The following GPATCH8 variants were observed in gnomAD, a reference collection of about 807,000 sequenced individuals.
GPATCH8 encodes the protein G-patch domain containing 8, also known as G patch domain-containing protein 8.
GPATCH8 carries 18 observed loss-of-function variants against 118.3 expected under a neutral mutation model. The ratio of observed to expected loss-of-function variants is 0.15; its 90% CI spans 0.11 to 0.23. The LOEUF is 0.23. Among genes scored for constraint, GPATCH8 ranks in the 10% least tolerant of loss-of-function variants. GPATCH8 has a pLI of 1.00. For missense variants in GPATCH8, 1,631 were observed against 1,873.8 expected, an observed-to-expected ratio of 0.87 and a Z score of 2.39; for synonymous variants, 659 against 684.7, an observed-to-expected ratio of 0.96 and a Z score of 0.59.
At chr17:44,436,945 T>TA (rs548866848) in intron 3 of GPATCH8, among the ~76,000 whole-genome samples, 284 of 148,694 alleles carry the variant, frequency 1.9e-3, no homozygotes, top group South Asian at 8.7e-3. Flanking sequence ...TAACCTAGTT[T>TA]AAAAAAAAAA....
intron 1 of GPATCH8, among the ~76,000 whole-genome samples, chr17:44,475,421 G>A (rs1207121109): frequency 7.6e-5 from 11 of 145,482 alleles, no homozygotes; most frequent in Admixed American, 3.4e-4. Flanking sequence ...ATAAAAGGCC[G>A]GGCGCGGTGG....
In GPATCH8 at chr17:44,401,065, T is replaced by C. The variant is rs924923926; in HGVS notation, c.1012A>G (p.Ser338Gly). ...ACCTTCTGCAGTCCTTGGTCAGAAC[T>C]CTTCTCATCGGGTTTTGTTCCATCT... is the stretch of plus-strand genomic sequence containing the variant. Reference protein sequence around the residue: ...SEDGTKPDEKSSDQGLQKVGD... With the variant: ...SEDGTKPDEKGSDQGLQKVGD... The change falls in exon 8 of 8, where the codon AGT (serine) becomes GGT (glycine). Residue 338 changes from serine (S) to glycine (G), a missense_variant. Physicochemically the swap from Ser to Gly is moderately conservative, Grantham distance 56. This residue lies in a region of GPATCH8 where 405 missense variants were observed against 462.7 expected (regional missense o/e 0.88). Coordinates refer to ENST00000591680, the MANE Select transcript of GPATCH8 (RefSeq NM_001002909.4). 14 of 1,614,072 alleles carry C rather than the reference T, an allele frequency of 8.7e-6. No individual in the cohort carries two copies. The highest frequency in any genetic ancestry group is 1.2e-5 in the Non-Finnish European group (14 of 1,180,020).
intron 6 of GPATCH8, among the ~76,000 whole-genome samples, chr17:44,413,238 A>G (rs1362933374): frequency 6.6e-6 from 1 of 152,210 alleles, no homozygotes; most frequent in African/African-American, 2.4e-5. Flanking sequence ...ACAGATAGTG[A>G]AAAACTGAGA....
At chr17:44,442,118 T>TAGAGAG (rs1163331851) in intron 3 of GPATCH8, among the ~76,000 whole-genome samples, 1 of 140,912 alleles carries the variant, frequency 7.1e-6, no homozygotes, top group Non-Finnish European at 1.5e-5. Context: ...CATATATATA[T>TAGAGAG]ATATAGAGAG....
At chr17:44,404,114 A>G (rs2049129718) in intron 7 of GPATCH8, among the ~76,000 whole-genome samples, 1 of 152,186 alleles carries the variant, frequency 6.6e-6, no homozygotes, top group Non-Finnish European at 1.5e-5. Context: ...CAAATAAAAA[A>G]CAACGCCCCG....
rs1298562128 is a variant in GPATCH8, at chr17:44,453,498, G to GTGCGTGT, written c.193+10973_193+10974insACACGCA. Among the ~76,000 whole-genome samples, 378 of 130,160 alleles carry GTGCGTGT rather than the reference G, an allele frequency of 2.9e-3. 3 individuals carry two copies. Among genetic ancestry groups the GTGCGTGT allele is most frequent in the Non-Finnish European group, 4.3e-3 (268 of 62,538 alleles). 85.4% of individuals were successfully genotyped at this position (130,160 alleles called of 152,430 possible). On this transcript the variant is annotated intron_variant, in intron 3 of 7. Transcript: ENST00000591680. ...CTAGTTGTAGGTAGGTAGGTAGGTA[G>GTGCGTGT]GGGTGTGTGTGTGTGTGTGTGTGTG...
chr17:44,491,684 C>CA (rs889731545), intron 1 of GPATCH8, among the ~76,000 whole-genome samples: 6 of 151,930 alleles, frequency 3.9e-5, no homozygotes, highest in East Asian at 3.9e-4. Context: ...TCCATCCCTA[C>CA]AAAAAATACA....
Position 44,417,310 on chromosome 17 carries a change from T to G in GPATCH8, c.492+7039A>C, listed in dbSNP as rs563979145. Among the ~76,000 whole-genome samples the G allele has an allele frequency of 4.6e-5, 7 of 152,306 alleles. No homozygotes were observed. The South Asian group carries it at 1.2e-3, about 27-fold the overall frequency. On this transcript the variant is annotated intron_variant, in intron 6 of 7. Transcript: ENST00000591680. ...TGCAAACAGTTTAGACAAAGTTAAC[T>G]AAATCATGTATTAATAGACTCAGCC...
chr17:44,499,132 T>C (rs539574271), intron 1 of GPATCH8, among the ~76,000 whole-genome samples: 131 of 152,338 alleles, frequency 8.6e-4, no homozygotes, highest in Non-Finnish European at 1.6e-3. Flanking sequence ...TATCAACTTA[T>C]CACTCACTGA....
intron 7 of GPATCH8, 22 bp downstream of exon 7, chr17:44,405,899 C>T: frequency 2.6e-6 from 4 of 1,534,114 alleles, no homozygotes; most frequent in Non-Finnish European, 3.6e-6. Context: ...CTGTACAACC[C>T]TCTGATAAAA....
At chr17:44,425,086 A>C (rs1006222510) in intron 5 of GPATCH8, among the ~76,000 whole-genome samples, 1 of 152,198 alleles carries the variant, frequency 6.6e-6, no homozygotes, top group Non-Finnish European at 1.5e-5. Flanking sequence ...CAGCAGTTTC[A>C]CTTAAAAACT....
intron 1 of GPATCH8, among the ~76,000 whole-genome samples, chr17:44,475,104 C>A (rs886457480): frequency 1.2e-4 from 19 of 152,044 alleles, no homozygotes; most frequent in African/African-American, 4.6e-4. Flanking sequence ...ATGGGTCAGG[C>A]GTGGTGGCTC....
At chr17:44,425,758 G>A (rs1362606312) in intron 5 of GPATCH8, among the ~76,000 whole-genome samples, 2 of 152,090 alleles carry the variant, frequency 1.3e-5, no homozygotes, top group East Asian at 1.9e-4. Context: ...TGAACTCCTG[G>A]GCTCAAGTGA....
At chr17:44,492,260 C>A (rs192686882) in intron 1 of GPATCH8, among the ~76,000 whole-genome samples, 3 of 130,646 alleles carry the variant, frequency 2.3e-5, no homozygotes, top group African/African-American at 8.4e-5. Flanking sequence ...GAGATGGCTC[C>A]ACTGCACTCC....
At chr17:44,428,648 T>G (rs1299033736) in intron 5 of GPATCH8, among the ~76,000 whole-genome samples, 5 of 149,406 alleles carry the variant, frequency 3.3e-5, no homozygotes, top group Admixed American at 3.3e-4. Context: ...ACAAAAAATA[T>G]AAAAATTAGC....
intron 3 of GPATCH8, among the ~76,000 whole-genome samples, chr17:44,439,494 G>A (rs935136059): frequency 2.0e-5 from 3 of 152,132 alleles, no homozygotes; most frequent in African/African-American, 2.4e-5. Context: ...CAATCTTGAA[G>A]GTGACATTAT....
rs71136011 is a variant in GPATCH8 at position 44,406,503 on chromosome 17, G to GC, written c.493-453_493-452insG. ...AGCAATGTACAGCTTACATGGGGGGGGGGGGTTATTTAAATTAGAACAAAT... is the reference window on the plus strand; with the variant it reads ...AGCAATGTACAGCTTACATGGGGGGGCGGGGGTTATTTAAATTAGAACAAAT... On this transcript the variant is annotated intron_variant, in intron 6 of 7. Transcript: ENST00000591680. Among the ~76,000 whole-genome samples the GC allele has an allele frequency of 1.1e-4, 13 of 116,538 alleles. 4 individuals carry two copies. The highest frequency in any genetic ancestry group is 2.3e-4 in the Non-Finnish European group (13 of 55,538). The allele number at this position is 116,538 out of a possible 152,430, so 76.5% of individuals were successfully genotyped here.
chr17:44,439,912 T>C (rs1012466576), intron 3 of GPATCH8, among the ~76,000 whole-genome samples: 1 of 151,878 alleles, frequency 6.6e-6, no homozygotes, highest in Non-Finnish European at 1.5e-5. Context: ...GCCTCCCAAG[T>C]AGCTGGGGCT....
At chr17:44,461,920 A>C (rs1361996202) in intron 3 of GPATCH8, among the ~76,000 whole-genome samples, 1 of 151,480 alleles carries the variant, frequency 6.6e-6, no homozygotes, top group Non-Finnish European at 1.5e-5. Flanking sequence ...GGCTGGTCTC[A>C]AACTCCTGGG....
Sources: allele counts gnomAD v4.1 joint callset (sites outside exome capture counted in the v4.1 genomes callset), GRCh38; gene constraint gnomAD v4.1.1; regional missense constraint gnomAD v4.1.1; transcripts MANE v1.5; gene names NCBI Gene and HGNC (gene_info 2026-07-23, HGNC 2026-07-21).